YBEY: variants seen among roughly 807,000 people sequenced by gnomAD.
YBEY encodes ybeY metalloendoribonuclease, also known as endoribonuclease YbeY.
YBEY carries 15 observed loss-of-function variants against 13.5 expected under a neutral mutation model. The observed-to-expected ratio is 1.11, with a 90% CI of 0.75 to 1.72. The LOEUF (loss-of-function observed/expected upper bound fraction) is 1.72. Among genes scored for constraint, YBEY ranks in the 40% most tolerant of loss-of-function variants. The pLI, the probability that YBEY is intolerant of heterozygous loss-of-function variation, is 0.00. For synonymous variants in YBEY, 101 were observed against 83.1 expected (o/e 1.21, Z -1.17); for missense variants, 244 against 208.4 (o/e 1.17, Z -1.05).
At chr21:46,299,145 C>T (rs914251), downstream of YBEY, among the ~76,000 whole-genome samples, 79,545 of 148,498 alleles carry the variant, frequency 0.54, 22,490 homozygotes, top group Non-Finnish European at 0.63. Context: ...TTTTGTATTT[C>T]TTAGTAGAGA....
downstream of YBEY, chr21:46,302,426 A>T: frequency 7.2e-7 from 1 of 1,385,794 alleles, no homozygotes; most frequent in South Asian, 1.2e-5. Flanking sequence ...AATTTCCAGA[A>T]GAAAAACCAC....
At chr21:46,309,176 G>A in the YBEY span, among the ~76,000 whole-genome samples, 3 of 151,614 alleles carry the variant, frequency 2.0e-5, no homozygotes, top group East Asian at 1.9e-4. Context: ...AAAATTAACC[G>A]AAGGCCAGGC....
At chr21:46,308,194 G>A in the YBEY span, among the ~76,000 whole-genome samples, 146 of 152,226 alleles carry the variant, frequency 9.6e-4, 4 homozygotes, top group East Asian at 0.024. Flanking sequence ...CAGGCGCGGT[G>A]GCTCACGCCC....
the YBEY span, chr21:46,313,118 G>A: frequency 1.1e-6 from 1 of 944,432 alleles, no homozygotes. Context: ...TTCCAAAGCA[G>A]GACACACCGT....
At chr21:46,297,861 C>T, downstream of YBEY, 3 of 1,020,660 alleles carry the variant, frequency 2.9e-6, no homozygotes, top group Non-Finnish European at 3.7e-6. Flanking sequence ...GAGCACCGCG[C>T]AGCGCTCGCC....
At chr21:46,296,059 C>A in intron 3 of YBEY, 103 bp from the exon 4 acceptor site, 3 of 1,251,306 alleles carry the variant, frequency 2.4e-6, no homozygotes, top group Non-Finnish European at 3.5e-6. Context: ...ACCCTGGGGT[C>A]CTGCAGCCAC....
At chr21:46,301,169 G>T, downstream of YBEY, 1 of 790,626 alleles carries the variant, frequency 1.3e-6, no homozygotes, top group African/African-American at 1.9e-5. Context: ...TGAGACAGGG[G>T]CCTGCTCTGT....
chr21:46,311,652 C>T, the YBEY span: 8 of 709,084 alleles, frequency 1.1e-5, no homozygotes, highest in Non-Finnish European at 1.8e-5. Context: ...TCCACCCACC[C>T]ATCCAACCAA....
the YBEY span, among the ~76,000 whole-genome samples, chr21:46,308,941 A>G: frequency 2.0e-5 from 3 of 152,178 alleles, no homozygotes; most frequent in Non-Finnish European, 4.4e-5. Context: ...CCCAACAGCA[A>G]GAAGGCTCTC....
downstream of YBEY, chr21:46,302,070 C>CGTG: frequency 6.8e-7 from 1 of 1,476,658 alleles, no homozygotes; most frequent in Non-Finnish European, 9.0e-7. Context: ...GGCCACACAG[C>CGTG]ATGGTGGTGG....
At chr21:46,289,888 T>G (rs1035221327) in intron 2 of YBEY, among the ~76,000 whole-genome samples, 10 of 48,978 alleles carry the variant, frequency 2.0e-4, no homozygotes, top group Non-Finnish European at 3.9e-4. Context: ...TGCAGAAGTT[T>G]CTGTGTGCGT....
intron 2 of YBEY, among the ~76,000 whole-genome samples, 195 bp downstream of exon 2, chr21:46,287,318 C>A (rs1188295798): frequency 1.3e-5 from 2 of 152,072 alleles, no homozygotes; most frequent in Non-Finnish European, 2.9e-5. Flanking sequence ...CTCAGCCTCC[C>A]CAGTAGGTGG....
chr21:46,286,625 A>C (rs986260869), intron 1 of YBEY: 15 of 52,276 alleles, frequency 2.9e-4, no homozygotes, highest in South Asian at 1.9e-3. Flanking sequence ...GCGCACCCCC[A>C]ACCCGCCCCC....
At chr21:46,303,738 T>TATATAC in the YBEY span, among the ~76,000 whole-genome samples, 1 of 23,878 alleles carries the variant, frequency 4.2e-5, no homozygotes, top group South Asian at 1.1e-3. Context: ...TATATATATA[T>TATATAC]ATATATATTT....
downstream of YBEY, among the ~76,000 whole-genome samples, chr21:46,299,188 A>C (rs528524880): frequency 6.6e-6 from 1 of 151,496 alleles, no homozygotes; most frequent in African/African-American, 2.4e-5. Flanking sequence ...GGCAGGTCTC[A>C]AATTCCTGAC....
intron 3 of YBEY, among the ~76,000 whole-genome samples, chr21:46,294,242 CAG>C (rs1280360732): frequency 2.4e-4 from 11 of 45,616 alleles, no homozygotes; most frequent in African/African-American, 6.0e-4. Flanking sequence ...GCCCGGGACT[CAG>C]TGGAGTCAGC....
chr21:46,290,297 C>T (rs1455821200), intron 2 of YBEY, among the ~76,000 whole-genome samples: 10 of 152,030 alleles, frequency 6.6e-5, no homozygotes, highest in African/African-American at 9.7e-5. Flanking sequence ...CCTCCGCCTC[C>T]CAGGTTCAAG....
the YBEY span, among the ~76,000 whole-genome samples, chr21:46,306,511 C>A: frequency 1.3e-5 from 2 of 149,746 alleles, no homozygotes; most frequent in African/African-American, 5.1e-5. Flanking sequence ...AAAAAAAAAT[C>A]TTTTATGAAT....
chr21:46,299,738 A>G (rs2082061001), downstream of YBEY, among the ~76,000 whole-genome samples: 1 of 149,294 alleles, frequency 6.7e-6, no homozygotes, highest in South Asian at 2.1e-4. Context: ...AGGTGTGCAC[A>G]ATGTGCCCTG....
Sources: allele counts gnomAD v4.1 joint callset (sites outside exome capture counted in the v4.1 genomes callset), GRCh38; gene constraint gnomAD v4.1.1; transcripts MANE v1.5; gene names NCBI Gene and HGNC (gene_info 2026-07-23, HGNC 2026-07-21).